Variants in ADARB2 observed in about 807,000 individuals in gnomAD.
ADARB2 encodes inactive double-stranded RNA-specific editase B2.
ADARB2 carries 25 observed loss-of-function variants against 62.2 expected under a neutral mutation model. The observed-to-expected ratio is 0.40, with a 90% CI of 0.29 to 0.56. The LOEUF is 0.56. Among genes scored for constraint, ADARB2 ranks in the 20% least tolerant of loss-of-function variants. The probability of loss-of-function intolerance (pLI) is 0.43; values close to 1 mark genes in which losing one functional copy is unlikely to be tolerated. For missense variants in ADARB2, 1,071 were observed against 1,077.4 expected (o/e 0.99, Z 0.08); for synonymous variants, 572 against 500.8 (o/e 1.14, Z -1.90).
intron 1 of ADARB2, among the ~76,000 whole-genome samples, chr10:1,563,799 G>C (rs1832821210): frequency 2.8e-5 from 3 of 107,818 alleles, no homozygotes; most frequent in South Asian, 7.4e-4. Flanking sequence ...CCCCACAACA[G>C]TCCTCAGAGT....
At chr10:1,714,155 T>C (rs558766521) in intron 1 of ADARB2, among the ~76,000 whole-genome samples, 32 of 152,360 alleles carry the variant, frequency 2.1e-4, no homozygotes, top group African/African-American at 7.7e-4. Flanking sequence ...TATTTAAAAA[T>C]TGACGCCAGG....
intron 1 of ADARB2, among the ~76,000 whole-genome samples, chr10:1,418,255 A>G (rs1036517818): frequency 6.6e-6 from 1 of 152,220 alleles, no homozygotes; most frequent in African/African-American, 2.4e-5. Flanking sequence ...TAGAATTTCA[A>G]GTCGGCTATG....
At chr10:1,419,254 C>T (rs1033217111) in intron 1 of ADARB2, among the ~76,000 whole-genome samples, 2 of 152,082 alleles carry the variant, frequency 1.3e-5, no homozygotes, top group Non-Finnish European at 2.9e-5. Flanking sequence ...CCACCACGCC[C>T]GTCTAATTTT....
intron 3 of ADARB2, among the ~76,000 whole-genome samples, chr10:1,279,791 C>T (rs1248313372): frequency 3.3e-5 from 5 of 152,198 alleles, no homozygotes; most frequent in Non-Finnish European, 7.3e-5. Flanking sequence ...GCTTGGCTCA[C>T]TGTTATATTT....
chr10:1,446,204 T>G (rs1243099381), intron 1 of ADARB2, among the ~76,000 whole-genome samples: 1 of 152,262 alleles, frequency 6.6e-6, no homozygotes, highest in Non-Finnish European at 1.5e-5. Context: ...TTAGTCTTTC[T>G]GAACCTGTGC....
At chr10:1,536,040 C>T (rs939833455) in intron 1 of ADARB2, among the ~76,000 whole-genome samples, 28 of 152,180 alleles carry the variant, frequency 1.8e-4, no homozygotes, top group African/African-American at 6.3e-4. Context: ...GATCCCGGCC[C>T]ATCAAGCAGG....
At position 1,216,945 on chromosome 10, in the gene ADARB2, C is replaced by A; in HGVS notation, c.1682+6G>T. ...AACATCCTCGAGAGGAAGCCGTGGG[C>A]CTCACCTGGCGATCTTGTCCGTGCA... is the stretch of plus-strand genomic sequence containing the variant. On this transcript the variant is annotated splice_donor_region_variant and intron_variant, in intron 7 of 9. Coordinates refer to ENST00000381312, the MANE Select transcript of ADARB2 (RefSeq NM_018702.4). 6.2e-7 allele frequency: 1 copy of A among 1,604,800 alleles called. No individual in the cohort carries two copies. The highest frequency in any genetic ancestry group is 8.5e-7 in the Non-Finnish European group (1 of 1,179,202).
chr10:1,517,740 GAA>G (rs2131949296), intron 1 of ADARB2, among the ~76,000 whole-genome samples: 1 of 152,280 alleles, frequency 6.6e-6, no homozygotes, highest in East Asian at 1.9e-4. Context: ...GAAGAATCCT[GAA>G]AAGAGCCTGC....
Position 1,737,363 on chromosome 10 carries a change from T to G in ADARB2, c.-213A>C. The G allele has an allele frequency of 3.7e-6, 2 of 538,994 alleles. No homozygotes were observed. Among genetic ancestry groups the G allele is most frequent in the Non-Finnish European group, 6.6e-6 (2 of 304,152 alleles). 33.4% of individuals were successfully genotyped at this position (538,994 alleles called of 1,614,324 possible). The stretch of plus-strand genomic sequence containing the variant: ...CTCCCACTGGGCTGGGGGCCTCGGC[T>G]GGGCGCCTGGAGCGAGCTGCTCCCT... On this transcript the variant is annotated 5_prime_UTR_variant, in exon 1 of 10. Coordinates refer to ENST00000381312, the MANE Select transcript of ADARB2 (RefSeq NM_018702.4).
chr10:1,531,823 C>T (rs11250592), intron 1 of ADARB2, among the ~76,000 whole-genome samples: 47,240 of 151,502 alleles, frequency 0.31, 8,404 homozygotes, highest in East Asian at 0.6. Context: ...GGTGACAGAG[C>T]GAGACTTCAT....
intron 1 of ADARB2, among the ~76,000 whole-genome samples, chr10:1,533,329 TA>T (rs1832274857): frequency 6.6e-6 from 1 of 150,702 alleles, no homozygotes; most frequent in African/African-American, 2.4e-5. Flanking sequence ...GGGGTTTCAC[TA>T]TGTTGGCCAG....
chr10:1,493,784 G>A (rs12412385), intron 1 of ADARB2, among the ~76,000 whole-genome samples: 77,508 of 113,516 alleles, frequency 0.68, 25,789 homozygotes, highest in Admixed American at 0.75. Context: ...TTTGAGATAG[G>A]GTCTCGCTCT....
intron 1 of ADARB2, among the ~76,000 whole-genome samples, chr10:1,645,770 C>A (rs1317178471): frequency 7.1e-6 from 1 of 141,268 alleles, no homozygotes; most frequent in East Asian, 2.1e-4. Flanking sequence ...GCCCCCTCTG[C>A]CTCTCCTCCT....
intron 7 of ADARB2, among the ~76,000 whole-genome samples, chr10:1,200,552 G>A (rs1333421439): frequency 1.3e-5 from 2 of 152,154 alleles, no homozygotes; most frequent in Non-Finnish European, 2.9e-5. Flanking sequence ...AAAATACTTA[G>A]TACTCCCTTT....
intron 1 of ADARB2, among the ~76,000 whole-genome samples, chr10:1,639,224 G>A (rs376231999): frequency 2.6e-5 from 4 of 152,160 alleles, no homozygotes; most frequent in African/African-American, 7.2e-5. Flanking sequence ...GAAGCTGACC[G>A]CATCCAGGAG....
At chr10:1,452,181 CT>C (rs1185995528) in intron 1 of ADARB2, among the ~76,000 whole-genome samples, 1 of 152,164 alleles carries the variant, frequency 6.6e-6, no homozygotes, top group East Asian at 1.9e-4. Context: ...GAGACAGCAG[CT>C]TTCCAGCTGC....
intron 4 of ADARB2, among the ~76,000 whole-genome samples, chr10:1,266,105 G>A (rs1329777506): frequency 6.6e-6 from 1 of 151,680 alleles, no homozygotes; most frequent in Admixed American, 6.6e-5. Context: ...AGGCTCTCCC[G>A]GAAGACGGCC....
intron 1 of ADARB2, among the ~76,000 whole-genome samples, chr10:1,603,353 C>T (rs2132016212): frequency 6.6e-6 from 1 of 152,290 alleles, no homozygotes; most frequent in South Asian, 2.1e-4. Flanking sequence ...CGGCTTGGAG[C>T]CCGACCCTGG....
chr10:1,270,628 C>T (rs188132956), intron 4 of ADARB2, among the ~76,000 whole-genome samples: 2 of 152,196 alleles, frequency 1.3e-5, no homozygotes, highest in South Asian at 2.1e-4. Context: ...GAAAGGAGAG[C>T]GTTCGGGGTG....
Sources: gnomAD v4.1 joint callset for allele counts (sites outside exome capture counted in the v4.1 genomes callset) on GRCh38, gnomAD v4.1.1 for gene constraint, MANE v1.5 for transcripts, NCBI Gene and HGNC (gene_info 2026-07-23, HGNC 2026-07-21) for gene names.